Variants in CTNNA2 observed in about 807,000 individuals in gnomAD.
CTNNA2 encodes catenin alpha-2.
A neutral mutation model predicts 101.0 loss-of-function variants in CTNNA2; 42 were observed. The observed-to-expected ratio is 0.42, with a 90% confidence interval of 0.32 to 0.54. The LOEUF (loss-of-function observed/expected upper bound fraction) is 0.54. Among genes scored for constraint, CTNNA2 ranks in the 20% least tolerant of loss-of-function variants. CTNNA2 has a pLI of 0.14. For synonymous variants in CTNNA2, 450 were observed against 456.4 expected (o/e 0.99, Z 0.18); for missense variants, 871 against 1,223.1 (o/e 0.71, Z 4.29).
intron 18 of CTNNA2, among the ~76,000 whole-genome samples, chr2:80,625,734 T>A (rs1573495228): frequency 6.6e-6 from 1 of 152,068 alleles, no homozygotes. Context: ...AAAGTCCCAA[T>A]AATTGATTTT....
At chr2:79,898,311 A>T (rs1476929396) in intron 6 of CTNNA2, among the ~76,000 whole-genome samples, 1 of 151,038 alleles carries the variant, frequency 6.6e-6, no homozygotes, top group Non-Finnish European at 1.5e-5. Flanking sequence ...GTTTTTTTTT[A>T]TTTTTAGTAG....
chr2:80,525,199 G>GTT (rs111435845), intron 9 of CTNNA2, among the ~76,000 whole-genome samples: 1 of 145,042 alleles, frequency 6.9e-6, no homozygotes, highest in Non-Finnish European at 1.5e-5. Context: ...CACAGCTAGA[G>GTT]TTTTTTTTTT....
At chr2:79,439,088 A>AAATAT (rs1164119647) in intron 4 of CTNNA2, among the ~76,000 whole-genome samples, 17 of 152,182 alleles carry the variant, frequency 1.1e-4, no homozygotes, top group Non-Finnish European at 5.9e-5. Context: ...AGAGAATTAA[A>AAATAT]AATATATGTC....
At chr2:80,582,331 T>C (rs1695610618) in intron 14 of CTNNA2, among the ~76,000 whole-genome samples, 1 of 152,192 alleles carries the variant, frequency 6.6e-6, no homozygotes, top group South Asian at 2.1e-4. Flanking sequence ...GGCCATTAGA[T>C]AGAGAACTTT....
chr2:79,989,496 A>C (rs546143483), intron 7 of CTNNA2, among the ~76,000 whole-genome samples: 1 of 152,110 alleles, frequency 6.6e-6, no homozygotes, highest in African/African-American at 2.4e-5. Context: ...TTATCTGGAC[A>C]TGATGGCATG....
chr2:79,411,360 T>C (rs1678407798), intron 4 of CTNNA2, among the ~76,000 whole-genome samples: 1 of 152,060 alleles, frequency 6.6e-6, no homozygotes, highest in African/African-American at 2.4e-5. Context: ...ATGTGTTTGC[T>C]CTTGCTTTTC....
At chr2:79,631,017 C>A (rs1386240305) in intron 1 of CTNNA2, among the ~76,000 whole-genome samples, 1 of 151,852 alleles carries the variant, frequency 6.6e-6, no homozygotes, top group Non-Finnish European at 1.5e-5. Context: ...TTCCTGAGTT[C>A]TTTTCTCATT....
At chr2:79,747,294 C>T (rs572529884) in intron 3 of CTNNA2, among the ~76,000 whole-genome samples, 12 of 152,092 alleles carry the variant, frequency 7.9e-5, no homozygotes, top group Non-Finnish European at 1.3e-4. Context: ...TGCAGATGGA[C>T]GCTTGTTTGT....
At chr2:80,040,777 C>T (rs182398248) in intron 7 of CTNNA2, among the ~76,000 whole-genome samples, 1 of 152,024 alleles carries the variant, frequency 6.6e-6, no homozygotes, top group African/African-American at 2.4e-5. Context: ...TTGTGTTGGA[C>T]GATTCAATTA....
chr2:80,347,444 T>C (rs1005862163), intron 7 of CTNNA2, among the ~76,000 whole-genome samples: 1 of 152,344 alleles, frequency 6.6e-6, no homozygotes, highest in South Asian at 2.1e-4. Flanking sequence ...GTATTATATA[T>C]GTGCCCACGA....
chr2:79,723,991 C>T (rs1260325802), intron 2 of CTNNA2, among the ~76,000 whole-genome samples: 1 of 152,150 alleles, frequency 6.6e-6, no homozygotes, highest in East Asian at 1.9e-4. Flanking sequence ...TCTGACTCAT[C>T]ATGACTTCAG....
At position 80,354,051 on chromosome 2, in the gene CTNNA2, G is replaced by T. The variant is rs1338064687; in HGVS notation, c.1057-39160G>T. Among the ~76,000 whole-genome samples the T allele has an allele frequency of 4.6e-5, 7 of 152,274 alleles. No individual in the cohort carries two copies. In the South Asian group the frequency reaches 1.2e-3, roughly 27 times the overall value. On this transcript the variant is annotated intron_variant, in intron 7 of 18. Transcript: ENST00000402739. ...GAGGTAAATGAGAGAACCAGAGTTT[G>T]CCCCTGAGAATTTGGTTAAAGCAGT...
At chr2:80,361,769 C>T (rs1391053569) in intron 7 of CTNNA2, among the ~76,000 whole-genome samples, 2 of 152,014 alleles carry the variant, frequency 1.3e-5, no homozygotes, top group Non-Finnish European at 1.5e-5. Flanking sequence ...AAAATCTCCT[C>T]CTTCCCCCCA....
rs542928201 is a variant in CTNNA2, at chr2:79,656,711, A to G, written c.102+5053A>G. Reference sequence around the variant, plus strand: ...ATGAGAAGAGATATTCATCTTAGGAAGTTTAGTCCTTGAAAGTGTCTGAAC... The same window carrying G: ...ATGAGAAGAGATATTCATCTTAGGAGGTTTAGTCCTTGAAAGTGTCTGAAC... On this transcript the variant is annotated intron_variant, in intron 2 of 18. Transcript: ENST00000402739. 4.6e-5 allele frequency among the ~76,000 whole-genome samples: 7 copies of G among 152,204 alleles called. No individual in the cohort carries two copies. The East Asian group carries it at 1.3e-3, about 29-fold the overall frequency.
chr2:79,738,132 T>C (rs2104956199), intron 2 of CTNNA2, among the ~76,000 whole-genome samples: 1 of 152,260 alleles, frequency 6.6e-6, no homozygotes, highest in Admixed American at 6.5e-5. Flanking sequence ...CAAGCCTGGG[T>C]CTCAGTTTTA....
chr2:80,057,960 A>C (rs1187388414), intron 7 of CTNNA2, among the ~76,000 whole-genome samples: 2 of 152,154 alleles, frequency 1.3e-5, no homozygotes, highest in African/African-American at 4.8e-5. Flanking sequence ...AATGAGAACA[A>C]AAAAACAACC....
intron 9 of CTNNA2, among the ~76,000 whole-genome samples, chr2:80,426,877 G>C (rs1039474992): frequency 4.0e-5 from 6 of 151,886 alleles, no homozygotes. Flanking sequence ...CTTTCCTCTA[G>C]TTTCTAGGCA....
chr2:80,556,821 A>G (rs1243819882), intron 12 of CTNNA2, among the ~76,000 whole-genome samples: 1 of 152,198 alleles, frequency 6.6e-6, no homozygotes, highest in African/African-American at 2.4e-5. Context: ...ATTGGTGCAT[A>G]TATATGCACA....
In CTNNA2 at chr2:79,842,211, A is replaced by G. The variant is rs140126426; in HGVS notation, c.299-15802A>G. 2.0e-5 allele frequency among the ~76,000 whole-genome samples: 3 copies of G among 152,296 alleles called. No homozygotes were observed. In the East Asian group the frequency reaches 5.8e-4, roughly 29 times the overall value. On this transcript the variant is annotated intron_variant, in intron 3 of 18. Transcript: ENST00000402739. ...TTACTATTTTTGTTGGCATATAACC[A>G]TGTGTGTTATTTTAGAAATGGTTAA...
Sources: gnomAD v4.1 joint callset for allele counts (sites outside exome capture counted in the v4.1 genomes callset) on GRCh38, gnomAD v4.1.1 for gene constraint, MANE v1.5 for transcripts, NCBI Gene and HGNC (gene_info 2026-07-23, HGNC 2026-07-21) for gene names.